Variants in LRRC27 observed in about 807,000 individuals in gnomAD.
LRRC27 encodes leucine rich repeat containing 27, also known as leucine-rich repeat-containing protein 27.
A neutral mutation model predicts 55.0 loss-of-function variants in LRRC27; 57 were observed. That is an observed-to-expected ratio of 1.04 (90% confidence interval 0.84 to 1.29). The LOEUF is 1.29. LRRC27 is among the 50% of genes most tolerant of loss of function. The pLI is 0.00. For synonymous variants in LRRC27, 278 were observed against 251.9 expected, an observed-to-expected ratio of 1.10 and a Z score of -0.98; for missense variants, 721 against 651.5, an observed-to-expected ratio of 1.11 and a Z score of -1.16.
At chr10:132,332,776 G>A (rs2138555852) in intron 1 of LRRC27, among the ~76,000 whole-genome samples, 1 of 152,080 alleles carries the variant, frequency 6.6e-6, no homozygotes, top group South Asian at 2.1e-4. Context: ...ACTGATCTGC[G>A]CCTCATATGC....
chr10:132,339,237 G>A (rs926264815), intron 3 of LRRC27, among the ~76,000 whole-genome samples: 24 of 152,234 alleles, frequency 1.6e-4, no homozygotes, highest in Non-Finnish European at 3.5e-4. Flanking sequence ...GAGCCATGGT[G>A]GCCTCCGTGG....
intron 10 of LRRC27, among the ~76,000 whole-genome samples, chr10:132,370,206 G>A (rs1313470888): frequency 2.6e-5 from 4 of 152,140 alleles, no homozygotes; most frequent in Admixed American, 6.5e-5. Context: ...TGCCTGTCTC[G>A]TGTTTCTCTG....
rs1426576070 is a variant in LRRC27, at chr10:132,376,821, C to T, written c.*1579C>T. On this transcript the variant is annotated 3_prime_UTR_variant, in exon 11 of 11. Transcript: ENST00000368614. ...TCCTGTTGCTCAGAGCTCCTGTACC[C>T]TTACTGACTGACTTAAGCCTGGTTT... The T allele has an allele frequency of 1.3e-5, 2 of 152,288 alleles. No individual in the cohort carries two copies. Among genetic ancestry groups the T allele is most frequent in the East Asian group, 1.9e-4 (1 of 5,200 alleles). The allele number at this position is 152,288 out of a possible 1,614,324, so 9.4% of individuals were successfully genotyped here. A position where few individuals can be genotyped will look rare whatever the true frequency, so the allele number is the denominator to read the frequency against.
chr10:132,365,541 T>C lies in LRRC27; in HGVS notation c.1407T>C (p.Asp469=). 4 of 1,613,220 alleles carry C rather than the reference T, an allele frequency of 2.5e-6. No individual in the cohort carries two copies. Among genetic ancestry groups the C allele is most frequent in the African/African-American group, 2.7e-5 (2 of 75,024 alleles). The change falls in exon 10 of 11, where the codon GAT becomes GAC. Residue 469 remains aspartate, a synonymous_variant. Transcript: ENST00000368614. ...PLEEMRKAAE[D]LEIATELQDE... ...AGGAGATGAGGAAGGCTGCCGAGGA[T>C]CTGGAAATTGTAAGGATTTCTTGGT...
rs532041216 is a variant in LRRC27, at chr10:132,380,187, T to C, written c.*4945T>C. Among the ~76,000 whole-genome samples, 3 of 151,954 alleles carry C rather than the reference T, an allele frequency of 2.0e-5. No individual in the cohort carries two copies. Among genetic ancestry groups the C allele is most frequent in the Non-Finnish European group, 2.9e-5 (2 of 67,994 alleles). ...GGCACATGCCTGTAACTCCAGCTAC[T>C]TGGGAGGCTGAGGCAGGAGAATCAC... On this transcript the variant is annotated 3_prime_UTR_variant, in exon 11 of 11. Coordinates refer to ENST00000368614, the MANE Select transcript of LRRC27 (RefSeq NM_030626.3).
chr10:132,355,930 GGGGT>G, intron 8 of LRRC27, 44 bp downstream of exon 8: 1 of 1,398,174 alleles, frequency 7.2e-7, no homozygotes, highest in Non-Finnish European at 9.9e-7. Context: ...TCCAGTCCCG[GGGGT>G]GGGTGGGTGC....
chr10:132,371,738 TC>T, intron 10 of LRRC27, among the ~76,000 whole-genome samples: 1 of 152,358 alleles, frequency 6.6e-6, no homozygotes, highest in East Asian at 1.9e-4. Flanking sequence ...AATGTGAACT[TC>T]CTGAGCTTTG....
At chr10:132,332,050 A>G, upstream of LRRC27, 1 of 249,762 alleles carries the variant, frequency 4.0e-6, no homozygotes, top group Non-Finnish European at 7.6e-6. Context: ...GCAGGCACAA[A>G]CCCCCACAAC....
chr10:132,354,966 G>T (rs12416667), intron 7 of LRRC27, among the ~76,000 whole-genome samples: 1 of 152,102 alleles, frequency 6.6e-6, no homozygotes, highest in Non-Finnish European at 1.5e-5. Context: ...CCGCCCAGCC[G>T]CAGATGTGGG....
intron 8 of LRRC27, among the ~76,000 whole-genome samples, chr10:132,356,759 G>T (rs1013663895): frequency 6.6e-6 from 1 of 152,272 alleles, no homozygotes; most frequent in Non-Finnish European, 1.5e-5. Flanking sequence ...GGCATGGGCC[G>T]TGGGCACAGG....
intron 10 of LRRC27, among the ~76,000 whole-genome samples, chr10:132,369,592 A>G (rs2069169469): frequency 6.6e-6 from 1 of 152,202 alleles, no homozygotes; most frequent in Admixed American, 6.5e-5. Context: ...GTTTTAGGGC[A>G]GTAAAACTAC....
chr10:132,367,172 C>T (rs1181097777), intron 10 of LRRC27, among the ~76,000 whole-genome samples: 2 of 152,072 alleles, frequency 1.3e-5, no homozygotes, highest in African/African-American at 2.4e-5. Context: ...TAGATTAATC[C>T]CTTGAAAGAC....
At chr10:132,340,443 C>T (rs180734983) in intron 3 of LRRC27, among the ~76,000 whole-genome samples, 1 of 152,242 alleles carries the variant, frequency 6.6e-6, no homozygotes, top group Non-Finnish European at 1.5e-5. Context: ...TTGACAAAGC[C>T]CTAGCATTGG....
chr10:132,358,164 G>A (rs2068393040), intron 8 of LRRC27, among the ~76,000 whole-genome samples: 1 of 152,236 alleles, frequency 6.6e-6, no homozygotes, highest in Admixed American at 6.5e-5. Context: ...GAAGAAATGG[G>A]CAAAAAGTAT....
At chr10:132,331,937 C>CCCT (rs1554888058), upstream of LRRC27, 100,082 of 590,204 alleles carry the variant, frequency 0.17, 10,687 homozygotes, top group Non-Finnish European at 0.21. Context: ...GCAAGCGCAA[C>CCCT]CCCCCGCCCC....
At chr10:132,360,366 G>T (rs1034539610) in intron 8 of LRRC27, among the ~76,000 whole-genome samples, 24 of 152,216 alleles carry the variant, frequency 1.6e-4, no homozygotes, top group Non-Finnish European at 3.2e-4. Context: ...AAAGTGCTGG[G>T]ATTACAGGTG....
At position 132,380,634 on chromosome 10, in the gene LRRC27, G is replaced by T. The variant is rs1432869492; in HGVS notation, c.*5392G>T. On this transcript the variant is annotated 3_prime_UTR_variant, in exon 11 of 11. Transcript: ENST00000368614. The stretch of plus-strand genomic sequence containing the variant: ...TGATTGCACCACTGCACTCAAGCCT[G>T]GGCAACAGAGTGAGACCCCAACTTG... Among the ~76,000 whole-genome samples the T allele has an allele frequency of 6.6e-6, 1 of 152,138 alleles. No individual in the cohort carries two copies. Among genetic ancestry groups the T allele is most frequent in the African/African-American group, 2.4e-5 (1 of 41,416 alleles).
In LRRC27 at chr10:132,372,322, T is replaced by C. The variant is rs2069238812; in HGVS notation, c.1417-2744T>C. 6.6e-6 allele frequency among the ~76,000 whole-genome samples: 1 copy of C among 152,082 alleles called. No individual in the cohort carries two copies. The highest frequency in any genetic ancestry group is 2.4e-5 in the African/African-American group (1 of 41,404). On this transcript the variant is annotated intron_variant, in intron 10 of 10. Coordinates refer to ENST00000368614, the MANE Select transcript of LRRC27 (RefSeq NM_030626.3). This position sits in a 1 kb window ranked among gnomAD's most constrained non-coding sequence, Gnocchi z 4.0. ...TGACTCACGCCTGCAATCCCAGCAC[T>C]TTGGGAGGCCAAGGCAGGTGAATCA...
chr10:132,364,007 G>A (rs1030128741), intron 9 of LRRC27, among the ~76,000 whole-genome samples: 1 of 151,902 alleles, frequency 6.6e-6, no homozygotes, highest in Non-Finnish European at 1.5e-5. Context: ...ATCCTCCAGG[G>A]AGTTTACCTG....
Sources: gnomAD v4.1 joint callset for allele counts (sites outside exome capture counted in the v4.1 genomes callset) on GRCh38, gnomAD v4.1.1 for gene constraint, Gnocchi (gnomAD v3.1) non-coding constraint, MANE v1.5 for transcripts, NCBI Gene and HGNC (gene_info 2026-07-23, HGNC 2026-07-21) for gene names.